The following NDST3 variants were observed in gnomAD, a reference collection of about 807,000 sequenced individuals.
NDST3 encodes the protein N-deacetylase and N-sulfotransferase 3.
In NDST3, 58 loss-of-function variants were observed where a neutral mutation model predicts 96.1. That is an observed-to-expected ratio of 0.60 (90% CI 0.49 to 0.75). The LOEUF (loss-of-function observed/expected upper bound fraction) is 0.75. NDST3 is among the 30% of genes least tolerant of loss of function. The pLI is 0.00. For missense variants in NDST3, 788 were observed against 1,034.2 expected, an observed-to-expected ratio of 0.76 and a Z score of 3.27; for synonymous variants, 333 against 359.7, an observed-to-expected ratio of 0.93 and a Z score of 0.84.
chr4:118,162,357 A>G (rs1417516449), intron 6 of NDST3, among the ~76,000 whole-genome samples: 1 of 152,204 alleles, frequency 6.6e-6, no homozygotes, highest in South Asian at 2.1e-4. Flanking sequence ...CTATACTACA[A>G]GGCTACAGTA....
chr4:118,061,801 A>G (rs1414269498), intron 2 of NDST3, among the ~76,000 whole-genome samples: 2 of 152,224 alleles, frequency 1.3e-5, no homozygotes, highest in Admixed American at 6.5e-5. Context: ...AAAGAAAAAC[A>G]TCAGCTGAAT....
At chr4:118,192,183 T>TATAC (rs751292310) in intron 6 of NDST3, among the ~76,000 whole-genome samples, 22 of 152,352 alleles carry the variant, frequency 1.4e-4, no homozygotes, top group East Asian at 5.8e-4. Context: ...TTCCGCTTAT[T>TATAC]AATCCCTTGT....
chr4:118,099,899 A>C (rs1332502419), intron 2 of NDST3, among the ~76,000 whole-genome samples: 3 of 152,088 alleles, frequency 2.0e-5, no homozygotes, highest in African/African-American at 7.2e-5. Context: ...TAAGGTGGTC[A>C]TTGGAGCACT....
At chr4:118,075,889 A>C (rs1226050854) in intron 2 of NDST3, among the ~76,000 whole-genome samples, 1 of 152,032 alleles carries the variant, frequency 6.6e-6, no homozygotes, top group Non-Finnish European at 1.5e-5. Context: ...GCTGTGCAGA[A>C]GCTCTTTAGT....
chr4:118,183,188 A>T (rs1736714537), intron 6 of NDST3, among the ~76,000 whole-genome samples: 3 of 152,150 alleles, frequency 2.0e-5, no homozygotes, highest in African/African-American at 7.2e-5. Context: ...TTGGAAAACA[A>T]TGTTTACCAT....
intron 6 of NDST3, among the ~76,000 whole-genome samples, chr4:118,175,193 G>GA (rs1736200582): frequency 6.6e-6 from 1 of 151,976 alleles, no homozygotes; most frequent in Non-Finnish European, 1.5e-5. Context: ...TTTTCCAACA[G>GA]AATCTTTCTG....
intron 1 of NDST3, among the ~76,000 whole-genome samples, chr4:118,038,552 C>T (rs1235666251): frequency 6.6e-6 from 1 of 152,146 alleles, no homozygotes; most frequent in Non-Finnish European, 1.5e-5. Flanking sequence ...ACTTGCCTAC[C>T]ACAGCAGGGT....
intron 10 of NDST3, among the ~76,000 whole-genome samples, chr4:118,239,893 G>A (rs562941065): frequency 6.6e-6 from 1 of 152,064 alleles, no homozygotes. Flanking sequence ...GAGCAATCCT[G>A]TTGGATTGCT....
intron 6 of NDST3, among the ~76,000 whole-genome samples, chr4:118,223,036 A>T (rs1204792819): frequency 6.6e-6 from 1 of 151,980 alleles, no homozygotes; most frequent in Admixed American, 6.6e-5. Flanking sequence ...GAACTTACTA[A>T]CCAGGTTAAA....
intron 6 of NDST3, among the ~76,000 whole-genome samples, chr4:118,173,253 A>G (rs2125939888): frequency 6.6e-6 from 1 of 152,266 alleles, no homozygotes; most frequent in Non-Finnish European, 1.5e-5. Context: ...TAGATGAAGA[A>G]ACTGAGGTTC....
chr4:118,233,410 T>C (rs926556588), intron 9 of NDST3, among the ~76,000 whole-genome samples: 16 of 152,184 alleles, frequency 1.1e-4, no homozygotes, highest in African/African-American at 3.4e-4. Flanking sequence ...GTCAGAAGAA[T>C]AGCATAATAT....
chr4:118,232,976 A>G, intron 8 of NDST3, 36 bp from the exon 9 acceptor site: 1 of 1,588,116 alleles, frequency 6.3e-7, no homozygotes, highest in East Asian at 2.2e-5. Context: ...TTGTGTTTTC[A>G]TTTAATTAAT....
chr4:118,157,467 CA>C (rs1560685580), intron 6 of NDST3, among the ~76,000 whole-genome samples: 1 of 149,154 alleles, frequency 6.7e-6, no homozygotes, highest in African/African-American at 2.5e-5. Context: ...ACTCTGTTAC[CA>C]AGGCTGGAGT....
rs76955787 is a variant in NDST3 at position 118,170,328 on chromosome 4, C to T, written c.1539+26644C>T. ...GAGATTCAGTTATATAAAAAATGTACTTATTCTTACATGATACATGCCAAA... is the reference window on the plus strand; with the variant it reads ...GAGATTCAGTTATATAAAAAATGTATTTATTCTTACATGATACATGCCAAA... On this transcript the variant is annotated intron_variant, in intron 6 of 13. Transcript: ENST00000296499. 4.9e-3 allele frequency among the ~76,000 whole-genome samples: 745 copies of T among 152,272 alleles called. 8 individuals carry two copies. Among genetic ancestry groups the T allele is most frequent in the African/African-American group, 0.017 (714 of 41,542 alleles).
intron 2 of NDST3, among the ~76,000 whole-genome samples, chr4:118,070,249 A>AAG (rs1726938897): frequency 6.6e-6 from 1 of 152,164 alleles, no homozygotes; most frequent in East Asian, 1.9e-4. Flanking sequence ...TTACTAAGGA[A>AAG]AGCCCAGCAC....
chr4:118,179,135 T>C (rs899016678), intron 6 of NDST3, among the ~76,000 whole-genome samples: 3 of 151,958 alleles, frequency 2.0e-5, no homozygotes, highest in South Asian at 2.1e-4. Context: ...TGGTGGACAA[T>C]AGACAAACCT....
chr4:118,215,699 A>G (rs1739152920), intron 6 of NDST3, among the ~76,000 whole-genome samples: 1 of 152,148 alleles, frequency 6.6e-6, no homozygotes, highest in Non-Finnish European at 1.5e-5. Context: ...AGTTGAAAGT[A>G]GATGCGATGA....
intron 6 of NDST3, among the ~76,000 whole-genome samples, chr4:118,208,934 C>G (rs962560923): frequency 2.2e-5 from 3 of 133,386 alleles, no homozygotes; most frequent in African/African-American, 8.3e-5. Flanking sequence ...CCCTCTCCCC[C>G]CAGAGTGAAT....
At chr4:118,138,296 A>C in intron 5 of NDST3, 57 bp downstream of exon 5, 1 of 1,431,106 alleles carries the variant, frequency 7.0e-7, no homozygotes. Flanking sequence ...TTCATTCCTC[A>C]CTTGAAGAAA....
Sources: gnomAD v4.1 joint callset for allele counts (sites outside exome capture counted in the v4.1 genomes callset) on GRCh38, gnomAD v4.1.1 for gene constraint, MANE v1.5 for transcripts, NCBI Gene and HGNC (gene_info 2026-07-23, HGNC 2026-07-21) for gene names.